GUCY1B1: variants seen among roughly 807,000 people sequenced by gnomAD.
GUCY1B1 encodes the protein guanylate cyclase 1 soluble subunit beta 1, also known as guanylate cyclase soluble subunit beta-1.
GUCY1B1 carries 43 observed loss-of-function variants against 71.0 expected under a neutral mutation model. The ratio of observed to expected loss-of-function variants is 0.61; its 90% CI spans 0.47 to 0.78. GUCY1B1 has a LOEUF of 0.78. Ranked by LOEUF, GUCY1B1 falls within the 30% of genes least tolerant of loss-of-function variation. The pLI is 0.00. For synonymous variants in GUCY1B1, 266 were observed against 259.7 expected (o/e 1.02, Z -0.23); for missense variants, 535 against 754.1 (o/e 0.71, Z 3.40).
chr4:155,761,404 C>A (rs1001332224), intron 2 of GUCY1B1, among the ~76,000 whole-genome samples: 50 of 151,936 alleles, frequency 3.3e-4, no homozygotes, highest in African/African-American at 1.2e-3. Context: ...TAGAAATTCC[C>A]AAATTTGCTG....
At chr4:155,759,884 G>T (rs1294331869) in intron 2 of GUCY1B1, 24 bp downstream of exon 2, 4 of 1,584,804 alleles carry the variant, frequency 2.5e-6, no homozygotes, top group Non-Finnish European at 3.5e-6. Flanking sequence ...TACCCTGGCT[G>T]TGGCCCAGGT....
intron 4 of GUCY1B1, among the ~76,000 whole-genome samples, chr4:155,778,258 T>A (rs918949964): frequency 1.3e-5 from 2 of 152,234 alleles, no homozygotes; most frequent in Non-Finnish European, 1.5e-5. Flanking sequence ...TGTCTTACAT[T>A]CTTGTTAAAA....
chr4:155,770,666 A>G (rs1737633960), intron 2 of GUCY1B1, among the ~76,000 whole-genome samples: 1 of 152,174 alleles, frequency 6.6e-6, no homozygotes, highest in Admixed American at 6.5e-5. Flanking sequence ...TTCCCCTGAA[A>G]GGAAAGAAGA....
Position 155,777,664 on chromosome 4 carries a change from A to G in GUCY1B1, c.297+22A>G, listed in dbSNP as rs779195177. On this transcript the variant is annotated intron_variant, in intron 4 of 13. Transcript: ENST00000264424. ...ACAGGTAAGCAATTTGAGGTCCTAT[A>G]GTTAAAAGTTCTGTGTTTATAACTC... 4 of 1,137,952 alleles carry G rather than the reference A, an allele frequency of 3.5e-6. No homozygotes were observed. In the South Asian group the frequency reaches 4.9e-5, roughly 14 times the overall value. The allele number at this position is 1,137,952 out of a possible 1,614,324, so 70.5% of individuals were successfully genotyped here.
At position 155,789,790 on chromosome 4, in the gene GUCY1B1, C is replaced by G; in HGVS notation, c.374C>G (p.Ala125Gly). ...GCACCTTCCTTTAGGTGCACTGATG[C>G]AGAAAAGGGCAAAGGACTCATTTTG... ...MRAPSFRCTDAEKGKGLILHY... is the reference protein window; with the variant it reads ...MRAPSFRCTDGEKGKGLILHY... The change falls in exon 5 of 14, where the codon GCA (alanine) becomes GGA (glycine). Residue 125 changes from alanine to glycine, a missense_variant. By Grantham distance (60) the Ala-to-Gly change is moderately conservative. Transcript: ENST00000264424. 1 of 1,606,872 alleles carries G rather than the reference C, an allele frequency of 6.2e-7. No homozygotes were observed. Among genetic ancestry groups the G allele is most frequent in the Non-Finnish European group, 8.5e-7 (1 of 1,173,556 alleles).
Position 155,759,783 on chromosome 4 carries a change from G to A in GUCY1B1, c.4-4G>A. 2.5e-6 allele frequency: 4 copies of A among 1,610,310 alleles called. No homozygotes were observed. The highest frequency in any genetic ancestry group is 3.4e-6 in the Non-Finnish European group (4 of 1,176,896). On this transcript the variant is annotated splice_region_variant and splice_polypyrimidine_tract_variant and intron_variant, in intron 1 of 13. Transcript: ENST00000264424. Reference sequence around the variant, plus strand: ...GACGCTCAAGTCTCTCCCTGTCCCCGCAGTACGGATTTGTGAATCACGCCC... The same window carrying A: ...GACGCTCAAGTCTCTCCCTGTCCCCACAGTACGGATTTGTGAATCACGCCC...
intron 4 of GUCY1B1, among the ~76,000 whole-genome samples, chr4:155,784,648 A>G (rs537935544): frequency 1.3e-5 from 2 of 152,274 alleles, no homozygotes; most frequent in Non-Finnish European, 2.9e-5. Context: ...AACTGCAGTA[A>G]TATTCTCAAC....
At chr4:155,763,975 A>G (rs1283407283) in intron 2 of GUCY1B1, among the ~76,000 whole-genome samples, 1 of 149,204 alleles carries the variant, frequency 6.7e-6, no homozygotes. Context: ...CCTCCTTTAA[A>G]AAATATTATT....
At chr4:155,791,894 A>G (rs965367764) in intron 5 of GUCY1B1, among the ~76,000 whole-genome samples, 4 of 152,162 alleles carry the variant, frequency 2.6e-5, no homozygotes, top group African/African-American at 4.8e-5. Flanking sequence ...AACTTCAGAA[A>G]GAAACACAAA....
intron 4 of GUCY1B1, among the ~76,000 whole-genome samples, chr4:155,780,771 A>C (rs1348086990): frequency 6.6e-6 from 1 of 152,174 alleles, no homozygotes; most frequent in Non-Finnish European, 1.5e-5. Context: ...CATAGATTGA[A>C]ATATAAAAGA....
Position 155,787,481 on chromosome 4 carries a change from A to G in GUCY1B1, c.298-2233A>G, listed in dbSNP as rs536974279. 7.2e-5 allele frequency among the ~76,000 whole-genome samples: 11 copies of G among 152,338 alleles called. No individual in the cohort carries two copies. In the South Asian group the frequency reaches 2.3e-3, roughly 32 times the overall value. On this transcript the variant is annotated intron_variant, in intron 4 of 13. Transcript: ENST00000264424. ...ATTAGATTGTCAAACTTCATGACCT[A>G]GCTCAAATCACATCTTCAGTTTGAA...
intron 2 of GUCY1B1, among the ~76,000 whole-genome samples, chr4:155,764,537 T>G (rs1039311034): frequency 6.6e-6 from 1 of 152,212 alleles, no homozygotes; most frequent in African/African-American, 2.4e-5. Context: ...TAGGAACTAA[T>G]GTAGTATACA....
rs775499184 is a variant in GUCY1B1 at position 155,777,513 on chromosome 4, T to G, written c.179-11T>G. ...ATATGCTTTTTTTCCCCTCTTGAAT[T>G]TGTAAAATAGATCTCAATGCTGGAG... On this transcript the variant is annotated splice_polypyrimidine_tract_variant and intron_variant, in intron 3 of 13. Coordinates refer to ENST00000264424, the MANE Select transcript of GUCY1B1 (RefSeq NM_000857.5). 1.3e-5 allele frequency: 18 copies of G among 1,424,204 alleles called. No individual in the cohort carries two copies. The highest frequency in any genetic ancestry group is 3.5e-4 in the Middle Eastern group (2 of 5,670). The allele number at this position is 1,424,204 out of a possible 1,614,324, so 88.2% of individuals were successfully genotyped here.
intron 4 of GUCY1B1, among the ~76,000 whole-genome samples, chr4:155,783,084 A>G (rs540580481): frequency 6.6e-6 from 1 of 152,348 alleles, no homozygotes; most frequent in South Asian, 2.1e-4. Flanking sequence ...TGTTTGACAT[A>G]CAGCTATGGA....
chr4:155,791,551 A>C (rs1320915675), intron 5 of GUCY1B1, among the ~76,000 whole-genome samples: 2 of 149,430 alleles, frequency 1.3e-5, no homozygotes, highest in Non-Finnish European at 3.0e-5. Flanking sequence ...TAACACGGTG[A>C]AACCCCGTCT....
intron 4 of GUCY1B1, among the ~76,000 whole-genome samples, chr4:155,788,731 C>T (rs1476320298): frequency 3.3e-5 from 5 of 152,154 alleles, no homozygotes; most frequent in South Asian, 2.1e-4. Flanking sequence ...AAAAATTGGG[C>T]GAATTGGCTA....
intron 10 of GUCY1B1, 78 bp from the exon 11 acceptor site, chr4:155,803,546 A>AT: frequency 9.7e-7 from 1 of 1,034,372 alleles, no homozygotes; most frequent in East Asian, 3.1e-5. Context: ...ACTTGAAAAA[A>AT]TATGTTTTTT....
At chr4:155,791,401 C>T (rs1054037349) in intron 5 of GUCY1B1, among the ~76,000 whole-genome samples, 7 of 140,476 alleles carry the variant, frequency 5.0e-5, no homozygotes, top group African/African-American at 1.8e-4. Flanking sequence ...AGGCGTGAGC[C>T]ACCGCGCCCG....
intron 4 of GUCY1B1, among the ~76,000 whole-genome samples, chr4:155,780,732 A>G (rs1249503449): frequency 2.5e-5 from 3 of 118,150 alleles, no homozygotes; most frequent in Non-Finnish European, 5.2e-5. Flanking sequence ...ATTTCGAGTG[A>G]GATCCTGTAA....
Sources: gnomAD v4.1 joint callset for allele counts (sites outside exome capture counted in the v4.1 genomes callset) on GRCh38, gnomAD v4.1.1 for gene constraint, MANE v1.5 for transcripts, NCBI Gene and HGNC (gene_info 2026-07-23, HGNC 2026-07-21) for gene names.